The following RTN3 variants were observed in gnomAD, a reference collection of about 807,000 sequenced individuals.
RTN3 encodes the protein reticulon 3.
In RTN3, 49 loss-of-function variants were observed where a neutral mutation model predicts 77.8. The ratio of observed to expected loss-of-function variants is 0.63; its 90% CI spans 0.50 to 0.80. RTN3 has a LOEUF of 0.80. Ranked by LOEUF, RTN3 falls within the 30% of genes least tolerant of loss-of-function variation. The probability of loss-of-function intolerance (pLI) is 0.00; values close to 1 mark genes in which losing one functional copy is unlikely to be tolerated. For missense variants in RTN3, 1,236 were observed against 1,211.9 expected (o/e 1.02, Z -0.29); for synonymous variants, 464 against 446.9 (o/e 1.04, Z -0.48).
intron 3 of RTN3, among the ~76,000 whole-genome samples, chr11:63,734,762 CA>C (rs1565333328): frequency 1.1e-4 from 16 of 150,598 alleles, no homozygotes; most frequent in South Asian, 2.1e-4. Context: ...CACACACACA[CA>C]CACACACACA....
intron 2 of RTN3, among the ~76,000 whole-genome samples, chr11:63,717,086 C>T (rs1417486694): frequency 6.6e-6 from 1 of 151,596 alleles, no homozygotes. Flanking sequence ...TAGCTTGAGG[C>T]CAGGAGGTCA....
intron 3 of RTN3, among the ~76,000 whole-genome samples, chr11:63,737,784 T>C (rs2013227218): frequency 6.6e-6 from 1 of 152,164 alleles, no homozygotes; most frequent in Non-Finnish European, 1.5e-5. Context: ...CAAACAACTA[T>C]TTTTTCTGAG....
chr11:63,681,708 G>T lies in RTN3; in HGVS notation c.72G>T (p.Ala24=), dbSNP rs11551950. The stretch of plus-strand genomic sequence containing the variant: ...CGTCCTTCGGAGCCGAGCCGTCCGC[G>T]CCCGGCGGCGGCGGGAGCCCAGGAG... ...SSSSFGAEPS[A]PGGGGSPGAC... Residue 24 remains alanine, a synonymous_variant, in exon 1 of 9, where the codon GCG becomes GCT. Coordinates refer to ENST00000377819, the MANE Select transcript of RTN3 (RefSeq NM_001265589.2). 10 of 1,610,456 alleles carry T rather than the reference G, an allele frequency of 6.2e-6. No individual in the cohort carries two copies. In the South Asian group the frequency reaches 9.9e-5, roughly 16 times the overall value.
At chr11:63,686,958 T>C (rs1270158674) in intron 1 of RTN3, among the ~76,000 whole-genome samples, 1 of 152,256 alleles carries the variant, frequency 6.6e-6, no homozygotes, top group Non-Finnish European at 1.5e-5. Context: ...AAGGTTTTGC[T>C]TTAAATATTT....
chr11:63,688,513 C>T (rs1186853510), intron 1 of RTN3, among the ~76,000 whole-genome samples: 2 of 152,126 alleles, frequency 1.3e-5, no homozygotes, highest in African/African-American at 4.8e-5. Flanking sequence ...TGAGCCACCA[C>T]GCCCGGCCAA....
intron 3 of RTN3, among the ~76,000 whole-genome samples, chr11:63,747,224 CT>C (rs1301208047): frequency 6.6e-6 from 1 of 152,314 alleles, no homozygotes; most frequent in East Asian, 1.9e-4. Flanking sequence ...CATATGGTAT[CT>C]GTTTGTTCTA....
In RTN3 at chr11:63,719,294, A is replaced by T. The variant is rs766565898; in HGVS notation, c.792A>T (p.Ser264=). The change falls in exon 3 of 9, where the codon TCA becomes TCT. Residue 264 remains serine (S), a synonymous_variant. Coordinates refer to ENST00000377819, the MANE Select transcript of RTN3 (RefSeq NM_001265589.2). The part of the protein sequence containing the change: ...KAAFDKEFKD[S]YKESTDDFGS... ...CATTTGACAAAGAATTTAAAGACTC[A>T]TATAAGGAGAGCACAGATGATTTTG... The T allele has an allele frequency of 1.2e-6, 2 of 1,614,204 alleles. No individual in the cohort carries two copies. The highest frequency in any genetic ancestry group is 1.7e-5 in the Admixed American group (1 of 60,016).
At chr11:63,690,634 G>C (rs1941606172) in intron 1 of RTN3, among the ~76,000 whole-genome samples, 2 of 152,154 alleles carry the variant, frequency 1.3e-5, no homozygotes, top group South Asian at 4.1e-4. Context: ...TCAGTGATCA[G>C]TTTAATTTAA....
intron 2 of RTN3, among the ~76,000 whole-genome samples, chr11:63,713,224 G>A (rs948881500): frequency 3.3e-5 from 5 of 152,162 alleles, no homozygotes; most frequent in Admixed American, 2.0e-4. Flanking sequence ...TTAAGAAGAT[G>A]AGTAATCATG....
At chr11:63,726,076 C>G (rs2012241880) in intron 3 of RTN3, among the ~76,000 whole-genome samples, 1 of 152,008 alleles carries the variant, frequency 6.6e-6, no homozygotes, top group Non-Finnish European at 1.5e-5. Flanking sequence ...ATCTATATAC[C>G]TACATATACA....
chr11:63,759,440 A>G lies in RTN3; in HGVS notation c.*1239A>G, dbSNP rs1451521503. 1 of 152,630 alleles carries G rather than the reference A, an allele frequency of 6.6e-6. No individual in the cohort carries two copies. The highest frequency in any genetic ancestry group is 2.4e-5 in the African/African-American group (1 of 41,436). The allele number at this position is 152,630 out of a possible 1,614,324, so 9.5% of individuals were successfully genotyped here. On this transcript the variant is annotated 3_prime_UTR_variant, in exon 9 of 9. Transcript: ENST00000377819. ...AAAAAGTAGTGGAAGGAAATTGTCTACGTGTCTTGGAAAAATTAGTTAGGA... is the reference window on the plus strand; with the variant it reads ...AAAAAGTAGTGGAAGGAAATTGTCTGCGTGTCTTGGAAAAATTAGTTAGGA...
chr11:63,731,430 A>G (rs1164019726), intron 3 of RTN3, among the ~76,000 whole-genome samples: 1 of 152,170 alleles, frequency 6.6e-6, no homozygotes, highest in East Asian at 1.9e-4. Context: ...GCCATAATGA[A>G]TTTAAGCTTT....
intron 2 of RTN3, among the ~76,000 whole-genome samples, chr11:63,716,654 G>A (rs1590826067): frequency 6.6e-6 from 1 of 152,052 alleles, no homozygotes; most frequent in Non-Finnish European, 1.5e-5. Context: ...ATGTAGTGAG[G>A]CACCAGGTCT....
At chr11:63,711,060 A>G (rs936921279) in intron 2 of RTN3, among the ~76,000 whole-genome samples, 24 of 152,098 alleles carry the variant, frequency 1.6e-4, no homozygotes, top group African/African-American at 5.6e-4. Flanking sequence ...CGGGTGGATC[A>G]CTTGAGGTCG....
At chr11:63,750,258 A>T in intron 4 of RTN3, 60 bp downstream of exon 4, 1 of 1,403,304 alleles carries the variant, frequency 7.1e-7, no homozygotes, top group South Asian at 1.2e-5. Context: ...ACTGAAGCTG[A>T]TAGGTCTAAA....
chr11:63,689,142 T>G (rs982400468), intron 1 of RTN3, among the ~76,000 whole-genome samples: 22 of 152,244 alleles, frequency 1.4e-4, no homozygotes, highest in Non-Finnish European at 4.4e-5. Flanking sequence ...ATCAATTTTG[T>G]AGTATAACTT....
At chr11:63,694,320 G>A (rs1355741298) in intron 1 of RTN3, among the ~76,000 whole-genome samples, 2 of 151,976 alleles carry the variant, frequency 1.3e-5, no homozygotes, top group Non-Finnish European at 1.5e-5. Context: ...GGGATTACAG[G>A]CATGCGCCAC....
intron 3 of RTN3, among the ~76,000 whole-genome samples, chr11:63,725,694 C>T (rs929421878): frequency 2.0e-5 from 3 of 152,108 alleles, no homozygotes; most frequent in Non-Finnish European, 2.9e-5. Context: ...CCTCGTGATC[C>T]GCCCGCCTCG....
At chr11:63,714,235 T>C in intron 2 of RTN3, 1 of 354,650 alleles carries the variant, frequency 2.8e-6, no homozygotes, top group Non-Finnish European at 5.5e-6. Context: ...TAATTAAAGT[T>C]AAAGCACAGA....
Sources: allele counts gnomAD v4.1 joint callset (sites outside exome capture counted in the v4.1 genomes callset), GRCh38; gene constraint gnomAD v4.1.1; transcripts MANE v1.5; gene names NCBI Gene and HGNC (gene_info 2026-07-23, HGNC 2026-07-21).